Variants in BBS9 observed in about 807,000 individuals in gnomAD.
BBS9 encodes Bardet-Biedl syndrome 9, also known as protein PTHB1.
In BBS9, 89 loss-of-function variants were observed where a neutral mutation model predicts 117.7. The observed-to-expected ratio is 0.76, with a 90% CI of 0.64 to 0.90. BBS9 has a LOEUF of 0.90. BBS9 is among the 40% of genes least tolerant of loss of function. The pLI is 0.00. For synonymous variants in BBS9, 379 were observed against 370.9 expected (o/e 1.02, Z -0.25); for missense variants, 982 against 1,042.2 (o/e 0.94, Z 0.80).
Position 33,549,724 on chromosome 7 carries a change from T to G in BBS9, c.2521+15548T>G, listed in dbSNP as rs1197624895. ...AGAGAAATGCAAATCAAAACCACAA[T>G]GAGATACCATCTCACACCAGTGAAC... On this transcript the variant is annotated intron_variant, in intron 21 of 22. Transcript: ENST00000242067. 4.6e-5 allele frequency among the ~76,000 whole-genome samples: 7 copies of G among 152,152 alleles called. No homozygotes were observed. In the East Asian group the frequency reaches 1.4e-3, roughly 29 times the overall value.
At chr7:33,216,728 A>G (rs748809863) in intron 5 of BBS9, among the ~76,000 whole-genome samples, 8 of 152,340 alleles carry the variant, frequency 5.3e-5, no homozygotes, top group Non-Finnish European at 1.2e-4. Context: ...ATATGGTATG[A>G]AGGAGTCTCT....
intron 6 of BBS9, among the ~76,000 whole-genome samples, chr7:33,261,891 T>A (rs1562896793): frequency 6.6e-6 from 1 of 152,238 alleles, no homozygotes. Flanking sequence ...GCCCTGATTA[T>A]TCTTTCAGCA....
chr7:33,223,643 C>G (rs1015559576), intron 5 of BBS9, among the ~76,000 whole-genome samples: 3 of 152,012 alleles, frequency 2.0e-5, no homozygotes, highest in Non-Finnish European at 4.4e-5. Context: ...GTATGTTCTT[C>G]TAAGCACTTA....
In BBS9 at chr7:33,548,004, A is replaced by T. The variant is rs1292159798; in HGVS notation, c.2521+13828A>T. Among the ~76,000 whole-genome samples the T allele has an allele frequency of 3.3e-5, 5 of 152,172 alleles. No homozygotes were observed. The East Asian group carries it at 9.7e-4, about 30-fold the overall frequency. ...AAAGGTCTACCATCAAAGACCTCAT[A>T]GAATAACATTCTCCCTGTGTGTACT... On this transcript the variant is annotated intron_variant, in intron 21 of 22. Transcript: ENST00000242067.
intron 4 of BBS9, among the ~76,000 whole-genome samples, chr7:33,165,261 A>C (rs911915988): frequency 6.6e-6 from 1 of 151,714 alleles, no homozygotes; most frequent in Non-Finnish European, 1.5e-5. Flanking sequence ...TGCCCTTAAC[A>C]TTTTTTCCTT....
At chr7:33,303,517 T>TCCCCCCCCCCC (rs1204735274) in intron 9 of BBS9, among the ~76,000 whole-genome samples, 2 of 66,414 alleles carry the variant, frequency 3.0e-5, no homozygotes, top group Non-Finnish European at 2.9e-5. Context: ...ACTGAAATGA[T>TCCCCCCCCCCC]CCCCTCCCCC....
chr7:33,135,458 G>C (rs565511926), intron 1 of BBS9, among the ~76,000 whole-genome samples: 4 of 152,148 alleles, frequency 2.6e-5, no homozygotes, highest in Non-Finnish European at 5.9e-5. Context: ...TTGAATGATC[G>C]TGGCACCTTT....
rs1281594524 is a variant in BBS9 at position 33,505,654 on chromosome 7, C to T, written c.2298+9C>T. 1 of 1,612,522 alleles carries T rather than the reference C, an allele frequency of 6.2e-7. No homozygotes were observed. Among genetic ancestry groups the T allele is most frequent in the African/African-American group, 1.3e-5 (1 of 75,004 alleles). On this transcript the variant is annotated intron_variant, in intron 20 of 22. Coordinates refer to ENST00000242067, the MANE Select transcript of BBS9 (RefSeq NM_198428.3). ...AAGACACTCAAGAATTGGTAAGGAC[C>T]TGAAAGCCTGTGGTGGGAACAGCCA...
chr7:33,553,103 C>T (rs1281774714), intron 21 of BBS9, among the ~76,000 whole-genome samples: 5 of 152,342 alleles, frequency 3.3e-5, no homozygotes, highest in Admixed American at 3.3e-4. Context: ...CACTGTCTCA[C>T]TGGCTGACTT....
At chr7:33,441,918 G>A (rs1453590140) in intron 19 of BBS9, among the ~76,000 whole-genome samples, 2 of 147,370 alleles carry the variant, frequency 1.4e-5, no homozygotes, top group African/African-American at 5.0e-5. Flanking sequence ...CCGAGACAGA[G>A]TCTTACTTTG....
chr7:33,263,437 ATTC>A (rs1282602980), intron 6 of BBS9, among the ~76,000 whole-genome samples: 1 of 152,154 alleles, frequency 6.6e-6, no homozygotes, highest in Non-Finnish European at 1.5e-5. Context: ...CAGTAGGATT[ATTC>A]TTCTAAAAAT....
chr7:33,569,189 T>C (rs1857375281), intron 21 of BBS9, among the ~76,000 whole-genome samples: 3 of 152,104 alleles, frequency 2.0e-5, no homozygotes, highest in Non-Finnish European at 4.4e-5. Flanking sequence ...TTTTGACTGG[T>C]ATTGTGAGGC....
At chr7:33,608,635 T>C (rs1019752235), downstream of BBS9, among the ~76,000 whole-genome samples, 2 of 152,174 alleles carry the variant, frequency 1.3e-5, no homozygotes, top group African/African-American at 2.4e-5. Flanking sequence ...TGATTATTGA[T>C]GTTGAACATC....
intron 19 of BBS9, chr7:33,390,713 C>T (rs909428203): frequency 2.2e-5 from 14 of 625,202 alleles, no homozygotes; most frequent in Non-Finnish European, 2.8e-5. Flanking sequence ...AAAATTATAA[C>T]ATTATACGTA....
At chr7:33,422,979 CT>C (rs1460120543) in intron 19 of BBS9, among the ~76,000 whole-genome samples, 2 of 152,078 alleles carry the variant, frequency 1.3e-5, no homozygotes, top group Non-Finnish European at 2.9e-5. Flanking sequence ...GGAATACTGG[CT>C]GGAAGAGAAC....
At chr7:33,198,762 T>C (rs1339881302) in intron 5 of BBS9, among the ~76,000 whole-genome samples, 2 of 152,022 alleles carry the variant, frequency 1.3e-5, no homozygotes, top group Non-Finnish European at 2.9e-5. Context: ...AGGACTGTGC[T>C]TAGCTTTTCC....
intron 21 of BBS9, among the ~76,000 whole-genome samples, chr7:33,557,270 T>G (rs2129104712): frequency 6.6e-6 from 1 of 152,326 alleles, no homozygotes; most frequent in East Asian, 1.9e-4. Flanking sequence ...TTTTTTCATT[T>G]GCCAAGAATG....
At chr7:33,528,574 A>C (rs968651561) in intron 20 of BBS9, among the ~76,000 whole-genome samples, 1 of 152,100 alleles carries the variant, frequency 6.6e-6, no homozygotes, top group Non-Finnish European at 1.5e-5. Context: ...TTCTGATTTT[A>C]AAAAAAAGTA....
chr7:33,375,680 C>T (rs1823735911), intron 17 of BBS9, among the ~76,000 whole-genome samples: 1 of 151,124 alleles, frequency 6.6e-6, no homozygotes, highest in African/African-American at 2.4e-5. Flanking sequence ...CACCCTCTGC[C>T]TCCCAGTTCA....
Sources: allele counts gnomAD v4.1 joint callset (sites outside exome capture counted in the v4.1 genomes callset), GRCh38; gene constraint gnomAD v4.1.1; transcripts MANE v1.5; gene names NCBI Gene and HGNC (gene_info 2026-07-23, HGNC 2026-07-21).